The following LRCH1 variants were observed in gnomAD, a reference collection of about 807,000 sequenced individuals.
LRCH1 encodes the protein leucine rich repeats and calponin homology domain containing 1.
In LRCH1, 23 loss-of-function variants were observed where a neutral mutation model predicts 94.9. The observed-to-expected ratio is 0.24, with a 90% CI of 0.17 to 0.34. The LOEUF (loss-of-function observed/expected upper bound fraction) is 0.34, where lower values mean the gene tolerates loss of function less well. LRCH1 is among the 10% of genes least tolerant of loss of function. The pLI is 1.00. For synonymous variants in LRCH1, 364 were observed against 354.9 expected, an observed-to-expected ratio of 1.03 and a Z score of -0.29; for missense variants, 790 against 945.9, an observed-to-expected ratio of 0.84 and a Z score of 2.16.
intron 15 of LRCH1, among the ~76,000 whole-genome samples, chr13:46,714,669 T>A (rs1462749305): frequency 6.6e-6 from 1 of 152,180 alleles, no homozygotes; most frequent in Non-Finnish European, 1.5e-5. Context: ...ACCCAAATAT[T>A]TATATCTAGA....
Position 46,692,630 on chromosome 13 carries a change from G to T in LRCH1, c.1109G>T (p.Ser370Ile). 2.5e-6 allele frequency: 4 copies of T among 1,613,454 alleles called. No homozygotes were observed. In the South Asian group the frequency reaches 4.4e-5, roughly 18 times the overall value. The change falls in exon 8 of 20, where the codon AGC (serine) becomes ATC (isoleucine). Residue 370 changes from serine (S) to isoleucine (I), a missense_variant. Transcript: ENST00000389797. ...IIKEDSCHRL[S>I]PVKGEFHQEF... Reference sequence around the variant, plus strand: ...AAGGAGGACTCGTGCCATCGCCTTAGCCCCGTTAAAGGTCTGAGAATAAAA... The same window carrying T: ...AAGGAGGACTCGTGCCATCGCCTTATCCCCGTTAAAGGTCTGAGAATAAAA...
At chr13:46,675,336 T>C (rs1566217140) in intron 3 of LRCH1, among the ~76,000 whole-genome samples, 1 of 152,090 alleles carries the variant, frequency 6.6e-6, no homozygotes, top group African/African-American at 2.4e-5. Context: ...TGGTGACATG[T>C]TGTGGTCCAG....
intron 1 of LRCH1, among the ~76,000 whole-genome samples, chr13:46,583,665 C>A (rs754431497): frequency 4.6e-5 from 7 of 152,130 alleles, no homozygotes; most frequent in Non-Finnish European, 7.4e-5. Context: ...TAAATGTTAT[C>A]AATGTGATTT....
chr13:46,686,952 A>ATTTCTTTTT (rs771856002), intron 5 of LRCH1, among the ~76,000 whole-genome samples: 1 of 85,434 alleles, frequency 1.2e-5, no homozygotes, highest in African/African-American at 4.7e-5. Context: ...GAGTATATTG[A>ATTTCTTTTT]TTTTTTTTTT....
intron 15 of LRCH1, among the ~76,000 whole-genome samples, chr13:46,713,822 T>G (rs373731307): frequency 6.2e-4 from 94 of 152,318 alleles, no homozygotes; most frequent in African/African-American, 2.2e-3. Flanking sequence ...CATCTGTGCC[T>G]TCAGTGACAA....
chr13:46,667,055 G>A (rs1330338027), intron 2 of LRCH1, among the ~76,000 whole-genome samples: 1 of 152,168 alleles, frequency 6.6e-6, no homozygotes, highest in East Asian at 1.9e-4. Context: ...TGCAAGCCAG[G>A]AACCTACCAG....
At chr13:46,635,812 C>T (rs946144208) in intron 1 of LRCH1, among the ~76,000 whole-genome samples, 11 of 152,028 alleles carry the variant, frequency 7.2e-5, no homozygotes, top group Admixed American at 1.3e-4. Flanking sequence ...CAGTTGTCTC[C>T]TTTCTCTTCT....
Position 46,743,806 on chromosome 13 carries a change from G to T in LRCH1, c.*1958G>T, listed in dbSNP as rs1196097573. 2.0e-6 allele frequency: 2 copies of T among 983,458 alleles called. No individual in the cohort carries two copies. The highest frequency in any genetic ancestry group is 1.2e-4 in the Admixed American group (2 of 16,264). 60.9% of individuals were successfully genotyped at this position (983,458 alleles called of 1,614,324 possible). A position where few individuals can be genotyped will look rare whatever the true frequency, so the allele number is the denominator to read the frequency against. ...AATAAAAACTGAGTAGGACACTCAT[G>T]TAAGAGTAGATTTAATTTTCAGTGT... On this transcript the variant is annotated 3_prime_UTR_variant, in exon 20 of 20. Coordinates refer to ENST00000389797, the MANE Select transcript of LRCH1 (RefSeq NM_001164211.2).
intron 1 of LRCH1, among the ~76,000 whole-genome samples, chr13:46,631,421 C>T (rs567636018): frequency 6.6e-6 from 1 of 152,264 alleles, no homozygotes; most frequent in South Asian, 2.1e-4. Flanking sequence ...GCACTATTGA[C>T]TTATTATGAA....
At chr13:46,570,956 C>T (rs529261955) in intron 1 of LRCH1, among the ~76,000 whole-genome samples, 1 of 152,358 alleles carries the variant, frequency 6.6e-6, no homozygotes, top group South Asian at 2.1e-4. Context: ...AGCTTCACTG[C>T]TCCTTTCTTT....
intron 2 of LRCH1, among the ~76,000 whole-genome samples, chr13:46,661,924 A>G (rs945214783): frequency 6.6e-6 from 1 of 152,164 alleles, no homozygotes; most frequent in Non-Finnish European, 1.5e-5. Flanking sequence ...TAAAAAATAT[A>G]TATTTTTGGC....
intron 19 of LRCH1, among the ~76,000 whole-genome samples, chr13:46,736,382 G>A (rs1353173662): frequency 6.6e-6 from 1 of 152,100 alleles, no homozygotes; most frequent in Non-Finnish European, 1.5e-5. Context: ...TACAGGAAAT[G>A]TTTTTACCTT....
Position 46,694,928 on chromosome 13 carries a change from C to G in LRCH1, c.1156C>G (p.Leu386Val), listed in dbSNP as rs775349635. 6.2e-7 allele frequency: 1 copy of G among 1,614,182 alleles called. No individual in the cohort carries two copies. The highest frequency in any genetic ancestry group is 8.5e-7 in the Non-Finnish European group (1 of 1,179,982). The change falls in exon 9 of 20, where the codon CTT becomes GTT. Residue 386 changes from leucine (L) to valine (V), a missense_variant. By Grantham distance (32) the Leu-to-Val change is conservative. Coordinates refer to ENST00000389797, the MANE Select transcript of LRCH1 (RefSeq NM_001164211.2). ...TCAGGAATTTCAACCGGAGCCTTCC[C>G]TTTTGGGTGACAGCACCAACTCAGG... ...FHQEFQPEPSLLGDSTNSGEE... is the reference protein window; with the variant it reads ...FHQEFQPEPSVLGDSTNSGEE...
intron 1 of LRCH1, among the ~76,000 whole-genome samples, chr13:46,606,178 GTA>G (rs1436063272): frequency 1.8e-4 from 26 of 141,272 alleles, no homozygotes; most frequent in Non-Finnish European, 3.4e-4. Context: ...GTGTGTGTGT[GTA>G]TAAGTCGTTC....
chr13:46,721,443 G>A (rs1432211871), intron 16 of LRCH1, among the ~76,000 whole-genome samples: 2 of 152,100 alleles, frequency 1.3e-5, no homozygotes, highest in African/African-American at 4.8e-5. Flanking sequence ...TTTTATATAT[G>A]TCTCTTTTTT....
At chr13:46,613,381 C>T (rs1020942991) in intron 1 of LRCH1, among the ~76,000 whole-genome samples, 1 of 95,752 alleles carries the variant, frequency 1.0e-5, no homozygotes, top group East Asian at 3.1e-4. Flanking sequence ...AGCGAGACCC[C>T]GTCTGAAAAA....
In LRCH1 at chr13:46,742,213, G is replaced by C; in HGVS notation, c.*365G>C. On this transcript the variant is annotated 3_prime_UTR_variant, in exon 20 of 20. Coordinates refer to ENST00000389797, the MANE Select transcript of LRCH1 (RefSeq NM_001164211.2). ...TTCCAGGACAAGAGTGTCAAGGACA[G>C]GGATTTAGCATATGGAAGTCTTTCC... is the stretch of plus-strand genomic sequence containing the variant. 9.0e-7 allele frequency: 1 copy of C among 1,113,952 alleles called. No individual in the cohort carries two copies. Among genetic ancestry groups the C allele is most frequent in the African/African-American group, 1.6e-5 (1 of 61,912 alleles). 69.0% of individuals were successfully genotyped at this position (1,113,952 alleles called of 1,614,324 possible).
intron 1 of LRCH1, among the ~76,000 whole-genome samples, chr13:46,601,806 G>A (rs1300780851): frequency 6.6e-6 from 1 of 152,178 alleles, no homozygotes; most frequent in Non-Finnish European, 1.5e-5. Context: ...AATGCCTGGG[G>A]TGTTAGGAAT....
intron 17 of LRCH1, among the ~76,000 whole-genome samples, chr13:46,727,112 T>C (rs1246941249): frequency 2.0e-5 from 3 of 152,114 alleles, no homozygotes; most frequent in Non-Finnish European, 2.9e-5. Flanking sequence ...TGAACAACGA[T>C]GTACATGGTC....
Sources: gnomAD v4.1 joint callset for allele counts (sites outside exome capture counted in the v4.1 genomes callset) on GRCh38, gnomAD v4.1.1 for gene constraint, MANE v1.5 for transcripts, NCBI Gene and HGNC (gene_info 2026-07-23, HGNC 2026-07-21) for gene names.